TBC1D2B: variants seen among roughly 807,000 people sequenced by gnomAD.
The protein encoded by TBC1D2B is TBC1 domain family, member 2B.
TBC1D2B carries 64 observed loss-of-function variants against 100.8 expected under a neutral mutation model. The observed-to-expected ratio is 0.64, with a 90% confidence interval of 0.52 to 0.78. TBC1D2B has a LOEUF of 0.78. TBC1D2B is among the 30% of genes least tolerant of loss of function. TBC1D2B has a pLI of 0.00. For synonymous variants in TBC1D2B, 480 were observed against 479.7 expected (o/e 1.00, Z -0.01); for missense variants, 1,052 against 1,218.4 (o/e 0.86, Z 2.03).
At chr15:78,003,672 G>T (rs1207917773) in intron 10 of TBC1D2B, 182 bp from the exon 11 acceptor site, 2 of 563,896 alleles carry the variant, frequency 3.5e-6, no homozygotes, top group African/African-American at 3.7e-5. Flanking sequence ...CGCTGACCTC[G>T]TGCACTGCAG....
intron 6 of TBC1D2B, among the ~76,000 whole-genome samples, chr15:78,020,695 T>C (rs901124870): frequency 6.6e-6 from 1 of 152,166 alleles, no homozygotes; most frequent in South Asian, 2.1e-4. Context: ...CTGTTCCACA[T>C]CCCCTTCCCT....
At chr15:78,038,141 T>C (rs2072992662) in intron 3 of TBC1D2B, among the ~76,000 whole-genome samples, 1 of 152,144 alleles carries the variant, frequency 6.6e-6, no homozygotes, top group Non-Finnish European at 1.5e-5. Context: ...CCTTCCCTCA[T>C]CACTCTTCCT....
At chr15:78,031,210 A>G (rs1182646923) in intron 3 of TBC1D2B, among the ~76,000 whole-genome samples, 3 of 152,194 alleles carry the variant, frequency 2.0e-5, no homozygotes, top group Non-Finnish European at 2.9e-5. Context: ...ACAATTATCA[A>G]ATACAGAATA....
intron 1 of TBC1D2B, among the ~76,000 whole-genome samples, chr15:78,057,931 C>T (rs780009909): frequency 5.3e-5 from 8 of 152,164 alleles, no homozygotes; most frequent in Non-Finnish European, 7.3e-5. Flanking sequence ...AATGGAGATT[C>T]GGCTCAGGCC....
intron 3 of TBC1D2B, among the ~76,000 whole-genome samples, chr15:78,043,976 A>C (rs2073141670): frequency 6.6e-6 from 1 of 151,838 alleles, no homozygotes; most frequent in Non-Finnish European, 1.5e-5. Flanking sequence ...GTCAGCCATG[A>C]ACCACGCAAC....
At chr15:78,008,754 C>G (rs529227537) in intron 10 of TBC1D2B, among the ~76,000 whole-genome samples, 3 of 152,330 alleles carry the variant, frequency 2.0e-5, no homozygotes. Context: ...CAATGTTAGG[C>G]CTGCAGGACG....
In TBC1D2B at chr15:78,003,230, C is replaced by T. The variant is rs551673106; in HGVS notation, c.2574+75G>A. Reference sequence around the variant, plus strand: ...CCTCATAAGTTCCAGGTGAGCCAGCCGCTCTACCGCCACCAACGCTGCTGA... The same window carrying T: ...CCTCATAAGTTCCAGGTGAGCCAGCTGCTCTACCGCCACCAACGCTGCTGA... On this transcript the variant is annotated intron_variant, in intron 11 of 12. Coordinates refer to ENST00000300584, the MANE Select transcript of TBC1D2B (RefSeq NM_144572.2). 2.8e-5 allele frequency: 39 copies of T among 1,403,684 alleles called. No homozygotes were observed. In the Admixed American group the frequency reaches 5.8e-4, roughly 21 times the overall value. The allele number at this position is 1,403,684 out of a possible 1,614,324, so 87.0% of individuals were successfully genotyped here.
chr15:78,014,873 G>A (rs915439144), intron 8 of TBC1D2B, among the ~76,000 whole-genome samples: 2 of 152,206 alleles, frequency 1.3e-5, no homozygotes, highest in African/African-American at 4.8e-5. Flanking sequence ...TATTTTACAG[G>A]TGGAATGACG....
At chr15:78,022,682 T>C (rs185445963) in intron 6 of TBC1D2B, among the ~76,000 whole-genome samples, 15 of 152,140 alleles carry the variant, frequency 9.9e-5, no homozygotes, top group Admixed American at 9.8e-4. Flanking sequence ...CTTGAGTAGT[T>C]GGGACCACAA....
chr15:78,045,366 A>G (rs1243991223), intron 2 of TBC1D2B, among the ~76,000 whole-genome samples: 3 of 152,224 alleles, frequency 2.0e-5, no homozygotes, highest in African/African-American at 7.2e-5. Flanking sequence ...ACTGCAGACC[A>G]ATAACCCTCA....
chr15:78,012,860 G>A lies in TBC1D2B; in HGVS notation c.2233C>T (p.Arg745Trp), dbSNP rs747927065. 18 of 1,514,722 alleles carry A rather than the reference G, an allele frequency of 1.2e-5. No individual in the cohort carries two copies. The highest frequency in any genetic ancestry group is 4.6e-5 in the East Asian group (2 of 43,956). 93.8% of individuals were successfully genotyped at this position (1,514,722 alleles called of 1,614,324 possible). Residue 745 changes from arginine to tryptophan, a missense_variant, in exon 9 of 13, where the codon CGG (arginine) becomes TGG (tryptophan). Arg to Trp is a moderately radical substitution (Grantham distance 101). Transcript: ENST00000300584. ...LRNVLLAFSW[R>W]NPDIGYCQGL... is the part of the protein sequence containing the mutation. ...TGACAGTAGCCGATATCTGGATTCC[G>A]CCAGGAGAAGGCGAGGAGGACATTG... is the stretch of plus-strand genomic sequence containing the variant.
chr15:78,012,690 T>C (rs2072261556), intron 9 of TBC1D2B, 133 bp downstream of exon 9: 1 of 953,850 alleles, frequency 1.0e-6, no homozygotes, highest in Admixed American at 3.8e-5. Context: ...GAAAACTGGC[T>C]TGCTGCAACT....
intron 1 of TBC1D2B, among the ~76,000 whole-genome samples, chr15:78,064,546 C>G (rs1486687177): frequency 1.3e-5 from 2 of 152,176 alleles, no homozygotes; most frequent in Admixed American, 6.5e-5. Context: ...ATATTTGGAT[C>G]TCTAAGAAAT....
intron 8 of TBC1D2B, among the ~76,000 whole-genome samples, chr15:78,013,866 A>G (rs1020598525): frequency 2.6e-5 from 4 of 152,252 alleles, no homozygotes; most frequent in Admixed American, 2.0e-4. Context: ...TTAAGACTAC[A>G]GAACTTAAAA....
intron 2 of TBC1D2B, among the ~76,000 whole-genome samples, chr15:78,050,391 G>A (rs1369196088): frequency 1.3e-5 from 2 of 152,214 alleles, no homozygotes; most frequent in East Asian, 3.8e-4. Context: ...GAGTGCTTTA[G>A]TACTCATGAA....
At chr15:78,068,123 C>T (rs2073688118) in intron 1 of TBC1D2B, among the ~76,000 whole-genome samples, 2 of 152,306 alleles carry the variant, frequency 1.3e-5, no homozygotes, top group Non-Finnish European at 1.5e-5. Context: ...TGATATTTAT[C>T]TCAGTGCTGA....
In TBC1D2B at chr15:78,058,635, C is replaced by T. The variant is rs11858043; in HGVS notation, c.361-4448G>A. ...CAGCTGGTGACAATGAGCCAGTCAG[C>T]GCAGAAGCTAACGGCCAGGACCACA... is the stretch of plus-strand genomic sequence containing the variant. On this transcript the variant is annotated intron_variant, in intron 1 of 12. Transcript: ENST00000300584. 1.2e-3 allele frequency among the ~76,000 whole-genome samples: 180 copies of T among 152,316 alleles called. 1 individual carries two copies. The highest frequency in any genetic ancestry group is 4.3e-3 in the African/African-American group (177 of 41,558).
At chr15:78,009,496 C>T (rs2072161757) in intron 9 of TBC1D2B, among the ~76,000 whole-genome samples, 1 of 151,608 alleles carries the variant, frequency 6.6e-6, no homozygotes, top group Admixed American at 6.6e-5. Flanking sequence ...ATGATAATCG[C>T]ACTACTGCAC....
At chr15:78,054,650 C>A (rs2073383451) in intron 1 of TBC1D2B, among the ~76,000 whole-genome samples, 1 of 152,192 alleles carries the variant, frequency 6.6e-6, no homozygotes, top group Admixed American at 6.5e-5. Context: ...GCTGGCACTC[C>A]TATTAAAATG....
Sources: gnomAD v4.1 joint callset for allele counts (sites outside exome capture counted in the v4.1 genomes callset) on GRCh38, gnomAD v4.1.1 for gene constraint, MANE v1.5 for transcripts, NCBI Gene and HGNC (gene_info 2026-07-23, HGNC 2026-07-21) for gene names.